Variants in FAF1 observed in about 807,000 individuals in gnomAD.
FAF1 encodes the protein Fas associated factor 1.
A neutral mutation model predicts 92.5 loss-of-function variants in FAF1; 25 were observed. That is an observed-to-expected ratio of 0.27 (90% CI 0.20 to 0.38). FAF1 has a LOEUF of 0.38. FAF1 is among the 10% of genes least tolerant of loss of function. The pLI is 1.00. For missense variants in FAF1, 636 were observed against 793.3 expected (o/e 0.80, Z 2.38); for synonymous variants, 234 against 273.2 (o/e 0.86, Z 1.42).
At chr1:50,558,702 A>G (rs989383436) in intron 13 of FAF1, among the ~76,000 whole-genome samples, 7 of 152,210 alleles carry the variant, frequency 4.6e-5, no homozygotes, top group African/African-American at 1.4e-4. Context: ...AGCTTCTAAC[A>G]ACAGTTTTCA....
intron 17 of FAF1, among the ~76,000 whole-genome samples, chr1:50,482,289 T>C (rs1040517457): frequency 4.6e-5 from 7 of 152,192 alleles, no homozygotes; most frequent in African/African-American, 1.4e-4. Context: ...TGTTGTTGAA[T>C]ATATCAGTAG....
chr1:50,446,770 GA>G (rs1164911057), intron 18 of FAF1, among the ~76,000 whole-genome samples: 2 of 152,000 alleles, frequency 1.3e-5, no homozygotes, highest in African/African-American at 4.8e-5. Context: ...TTCACTTTTA[GA>G]AAAAATGCTA....
At chr1:50,683,803 G>A (rs9633420) in intron 7 of FAF1, among the ~76,000 whole-genome samples, 151,130 of 151,932 alleles carry the variant, frequency 0.99, 75,172 homozygotes, top group Middle Eastern at 1. Context: ...GTGGTGGCAC[G>A]TGCCTGTAAT....
intron 8 of FAF1, among the ~76,000 whole-genome samples, chr1:50,598,808 T>C (rs567227509): frequency 2.0e-4 from 30 of 151,996 alleles, no homozygotes; most frequent in Middle Eastern, 3.4e-3. Flanking sequence ...CCATTTCTAC[T>C]AAATACAAAA....
intron 6 of FAF1, among the ~76,000 whole-genome samples, chr1:50,711,321 T>C (rs1039741923): frequency 4.6e-5 from 7 of 152,222 alleles, no homozygotes; most frequent in African/African-American, 1.7e-4. Context: ...TAGTGAAACA[T>C]CAGCAAAAGG....
At chr1:50,927,920 C>T (rs949715568) in intron 1 of FAF1, among the ~76,000 whole-genome samples, 4 of 152,086 alleles carry the variant, frequency 2.6e-5, no homozygotes, top group African/African-American at 9.7e-5. Flanking sequence ...GTTCTTTTAA[C>T]CAAAGAGTTG....
chr1:50,751,779 G>T (rs186020959), intron 4 of FAF1, among the ~76,000 whole-genome samples: 111 of 152,290 alleles, frequency 7.3e-4, no homozygotes, highest in Non-Finnish European at 9.0e-4. Context: ...ATAGTTATAA[G>T]AAATATTTTC....
chr1:50,810,271 A>T (rs1019166659), intron 2 of FAF1, among the ~76,000 whole-genome samples: 11 of 152,062 alleles, frequency 7.2e-5, no homozygotes, highest in East Asian at 1.9e-4. Flanking sequence ...TAAAAAAATT[A>T]AAAAAAATAC....
intron 4 of FAF1, among the ~76,000 whole-genome samples, chr1:50,755,433 C>T (rs190632000): frequency 1.8e-3 from 270 of 152,336 alleles, no homozygotes; most frequent in African/African-American, 6.2e-3. Flanking sequence ...GCAGCTCCGC[C>T]CTTGTGGCTT....
At chr1:50,839,340 C>T (rs1049384174) in intron 2 of FAF1, among the ~76,000 whole-genome samples, 4 of 152,208 alleles carry the variant, frequency 2.6e-5, no homozygotes, top group African/African-American at 7.2e-5. Context: ...CACATACTCC[C>T]GCTAAAAATT....
At chr1:50,670,868 T>G (rs985512170) in intron 7 of FAF1, among the ~76,000 whole-genome samples, 1 of 151,996 alleles carries the variant, frequency 6.6e-6, no homozygotes, top group African/African-American at 2.4e-5. Flanking sequence ...AGGTGAAAGA[T>G]GCAGTGAGCT....
chr1:50,595,534 C>CA (rs563389600), intron 9 of FAF1, among the ~76,000 whole-genome samples: 3 of 151,424 alleles, frequency 2.0e-5, no homozygotes, highest in Non-Finnish European at 3.0e-5. Flanking sequence ...CAGTCAATAG[C>CA]AAAAAAAAGT....
At chr1:50,904,970 T>G (rs1237910451) in intron 1 of FAF1, among the ~76,000 whole-genome samples, 3 of 152,014 alleles carry the variant, frequency 2.0e-5, no homozygotes, top group African/African-American at 7.3e-5. Context: ...ATGTGCCATG[T>G]TGGTGTGCTG....
chr1:50,731,431 A>G (rs919620157), intron 6 of FAF1, among the ~76,000 whole-genome samples: 2 of 142,768 alleles, frequency 1.4e-5, no homozygotes, highest in Non-Finnish European at 3.0e-5. Flanking sequence ...GTGTAGTGGT[A>G]CAGTCTTGGC....
chr1:50,495,758 C>A (rs918840911), intron 15 of FAF1, among the ~76,000 whole-genome samples: 10 of 152,110 alleles, frequency 6.6e-5, no homozygotes, highest in Non-Finnish European at 1.2e-4. Context: ...TTCTCCACAT[C>A]CTCTCCAGCA....
In FAF1 at chr1:50,535,709, T is replaced by C. The variant is rs117088556; in HGVS notation, c.1406-252A>G. On this transcript the variant is annotated intron_variant, in intron 14 of 18. Coordinates refer to ENST00000396153, the MANE Select transcript of FAF1 (RefSeq NM_007051.3). ...GAGCAGTTTCTTAATGAGAAGGACT[T>C]TTAGCACTATATAGAAGAATGTCCA... Among the ~76,000 whole-genome samples, 289 of 152,302 alleles carry C rather than the reference T, an allele frequency of 1.9e-3. 13 individuals carry two copies. The East Asian group carries it at 0.043, about 23-fold the overall frequency.
At chr1:50,555,651 T>C (rs1485832331) in intron 13 of FAF1, among the ~76,000 whole-genome samples, 1 of 152,148 alleles carries the variant, frequency 6.6e-6, no homozygotes, top group Non-Finnish European at 1.5e-5. Flanking sequence ...GGAACTCTTA[T>C]ACACTGTTGG....
At chr1:50,785,669 A>G (rs556668100) in intron 4 of FAF1, among the ~76,000 whole-genome samples, 15 of 152,292 alleles carry the variant, frequency 9.8e-5, no homozygotes, top group African/African-American at 3.1e-4. Context: ...ACAGAAAATA[A>G]TAAGTGTTAA....
At chr1:50,854,367 T>G (rs1644375049) in intron 2 of FAF1, among the ~76,000 whole-genome samples, 1 of 151,972 alleles carries the variant, frequency 6.6e-6, no homozygotes, top group South Asian at 2.1e-4. Flanking sequence ...TGGAAAATAC[T>G]CATCTCAAGG....
Sources: gnomAD v4.1 joint callset for allele counts (sites outside exome capture counted in the v4.1 genomes callset) on GRCh38, gnomAD v4.1.1 for gene constraint, MANE v1.5 for transcripts, NCBI Gene and HGNC (gene_info 2026-07-23, HGNC 2026-07-21) for gene names.